Variants in ITPRID2 observed in about 807,000 individuals in gnomAD.
ITPRID2 encodes ITPR interacting domain containing 2.
A neutral mutation model predicts 124.3 loss-of-function variants in ITPRID2; 60 were observed. That is an observed-to-expected ratio of 0.48 (90% confidence interval 0.39 to 0.60). The LOEUF (loss-of-function observed/expected upper bound fraction) is 0.60. Among genes scored for constraint, ITPRID2 ranks in the 20% least tolerant of loss-of-function variants. ITPRID2 has a pLI of 0.00. For synonymous variants in ITPRID2, 521 were observed against 542.9 expected (o/e 0.96, Z 0.56); for missense variants, 1,553 against 1,512.2 (o/e 1.03, Z -0.45).
At position 181,907,674 on chromosome 2, in the gene ITPRID2, T is replaced by C. The variant is rs1346864709; in HGVS notation, c.1414-2225T>C. On this transcript the variant is annotated intron_variant, in intron 8 of 17. Transcript: ENST00000431877. This position sits in a 1 kb window ranked among gnomAD's most constrained non-coding sequence, Gnocchi z 5.1. ...AATCTTGTCACATAAATCTAAATTCTGTGTTCTATATTTGCTTCATAATTC... is the reference window on the plus strand; with the variant it reads ...AATCTTGTCACATAAATCTAAATTCCGTGTTCTATATTTGCTTCATAATTC... Among the ~76,000 whole-genome samples, 1 of 152,218 alleles carries C rather than the reference T, an allele frequency of 6.6e-6. No homozygotes were observed. The highest frequency in any genetic ancestry group is 1.5e-5 in the Non-Finnish European group (1 of 68,034).
intron 7 of ITPRID2, 136 bp downstream of exon 7, chr2:181,901,040 ACATGTTAAAATT>A: frequency 1.4e-6 from 1 of 691,358 alleles, no homozygotes; most frequent in Non-Finnish European, 2.3e-6. Flanking sequence ...AGCCATTTTT[ACATGTTAAAATT>A]AAGCTATTTT....
At chr2:181,920,519 A>G (rs914096372) in intron 14 of ITPRID2, 78 bp from the exon 15 acceptor site, 17 of 1,041,700 alleles carry the variant, frequency 1.6e-5, no homozygotes, top group Admixed American at 2.4e-5. Context: ...AAAAATATAT[A>G]TGTACATTAT....
intron 8 of ITPRID2, among the ~76,000 whole-genome samples, chr2:181,909,554 T>C (rs946317318): frequency 2.0e-5 from 3 of 152,214 alleles, no homozygotes; most frequent in Non-Finnish European, 4.4e-5. Flanking sequence ...AAAACCCATA[T>C]GTTGGGCTAG....
At chr2:181,904,355 C>T (rs183774553) in intron 8 of ITPRID2, among the ~76,000 whole-genome samples, 6 of 151,486 alleles carry the variant, frequency 4.0e-5, no homozygotes, top group South Asian at 2.1e-4. Flanking sequence ...AATTTATGGT[C>T]GACCACAGCT....
rs776179092 is a variant in ITPRID2, at chr2:181,900,910, A to AT, written c.712+11dup. The AT allele has an allele frequency of 1.2e-6, 2 of 1,600,270 alleles. No individual in the cohort carries two copies. The highest frequency in any genetic ancestry group is 1.7e-6 in the Non-Finnish European group (2 of 1,173,894). On this transcript the variant is annotated splice_region_variant and intron_variant, in intron 7 of 17. Transcript: ENST00000431877. ...CCCAAATTATGCTTTAACAAGTAAG[A>AT]TTTTTAAGTGTTAGGCATATTATTT... is the stretch of plus-strand genomic sequence containing the variant.
At chr2:181,909,083 A>G (rs971496189) in intron 8 of ITPRID2, among the ~76,000 whole-genome samples, 1 of 152,220 alleles carries the variant, frequency 6.6e-6, no homozygotes, top group African/African-American at 2.4e-5. Context: ...AAATTTCTAA[A>G]TTATGTACTT....
chr2:181,893,332 C>G (rs1474684057), intron 2 of ITPRID2: 1 of 152,182 alleles, frequency 6.6e-6, no homozygotes, highest in Non-Finnish European at 1.5e-5. Context: ...GCAAAATGTA[C>G]TTGTTTCTTA....
intron 14 of ITPRID2, 106 bp from the exon 15 acceptor site, chr2:181,920,491 A>C: frequency 1.3e-6 from 1 of 750,348 alleles, no homozygotes; most frequent in Non-Finnish European, 2.0e-6. Flanking sequence ...ATTTTATTAT[A>C]AAAGTCTTGT....
intron 2 of ITPRID2, among the ~76,000 whole-genome samples, chr2:181,895,040 G>A (rs1187332410): frequency 6.6e-6 from 1 of 152,054 alleles, no homozygotes; most frequent in African/African-American, 2.4e-5. Context: ...GTAATTGCTT[G>A]TGATTCTTTT....
intron 11 of ITPRID2, chr2:181,916,652 G>C (rs1694078623): frequency 5.5e-6 from 4 of 721,358 alleles, no homozygotes; most frequent in Non-Finnish European, 8.2e-6. Context: ...TCACAAGTCT[G>C]TCTCCTTTCC....
intron 2 of ITPRID2, among the ~76,000 whole-genome samples, chr2:181,895,632 T>G (rs1230062735): frequency 6.6e-6 from 1 of 152,054 alleles, no homozygotes; most frequent in Non-Finnish European, 1.5e-5. Flanking sequence ...TTAAGTTACC[T>G]ATGACTGAAG....
Position 181,902,378 on chromosome 2 carries a change from C to A in ITPRID2, c.1325C>A (p.Thr442Lys), listed in dbSNP as rs761942831. 1.9e-6 allele frequency: 3 copies of A among 1,613,772 alleles called. No individual in the cohort carries two copies. The change falls in exon 8 of 18, where the codon ACA (threonine) becomes AAA (lysine). Residue 442 changes from threonine (T) to lysine (K), a missense_variant. Coordinates refer to ENST00000431877, the MANE Select transcript of ITPRID2 (RefSeq NM_001130445.3). This position sits in a 1 kb window ranked among gnomAD's most constrained non-coding sequence, Gnocchi z 4.4. ...SSELKSVHIS[T>K]PEKEPCAPLT... ...GAGCTGAAAAGTGTCCATATATCCA[C>A]ACCTGAAAAAGAGCCTTGTGCACCA...
In ITPRID2 at chr2:181,918,663, A is replaced by G. The variant is rs2125104150; in HGVS notation, c.2853A>G (p.Leu951=). ...APYSTQKSSV[L]PLYENTFQEL... ...ATAGTACTCAGAAATCATCTGTTCT[A>G]CCTCTTTATGAAGTAAGTTCTTTCT... The change falls in exon 12 of 18, where the codon CTA becomes CTG. Residue 951 remains leucine, a synonymous_variant. Coordinates refer to ENST00000431877, the MANE Select transcript of ITPRID2 (RefSeq NM_001130445.3). 6.2e-7 allele frequency: 1 copy of G among 1,614,012 alleles called. No homozygotes were observed. The highest frequency in any genetic ancestry group is 1.3e-5 in the African/African-American group (1 of 75,036).
At position 181,926,440 on chromosome 2, in the gene ITPRID2, G is replaced by A. The variant is rs114133808; in HGVS notation, c.3676-1721G>A. On this transcript the variant is annotated intron_variant, in intron 16 of 17. Transcript: ENST00000431877. ...CAAGAATACATTTTGGCGACTGGGC[G>A]CGGTGGCTCACGCCTGTAATCCCAG... Among the ~76,000 whole-genome samples the A allele has an allele frequency of 9.0e-3, 1,374 of 152,088 alleles. 14 individuals carry two copies. The highest frequency in any genetic ancestry group is 0.014 in the Non-Finnish European group (954 of 67,992).
Position 181,892,106 on chromosome 2 carries a change from G to A in ITPRID2, c.40G>A (p.Glu14Lys), listed in dbSNP as rs1313313382. Residue 14 changes from glutamate (E) to lysine (K), a missense_variant, in exon 1 of 18, where the codon GAA (glutamate) becomes AAA (lysine). Coordinates refer to ENST00000431877, the MANE Select transcript of ITPRID2 (RefSeq NM_001130445.3). This position sits in a 1 kb window ranked among gnomAD's most constrained non-coding sequence, Gnocchi z 5.2. Reference protein sequence around the residue: ...PLSSSAEAEEELEWQVASRRR... With the variant: ...PLSSSAEAEEKLEWQVASRRR... Reference sequence around the variant, plus strand: ...GTCGTCGTCGGCGGAGGCGGAGGAGGAACTGGAGTGGCAAGTGGCGAGTCG... The same window carrying A: ...GTCGTCGTCGGCGGAGGCGGAGGAGAAACTGGAGTGGCAAGTGGCGAGTCG... 6.4e-7 allele frequency: 1 copy of A among 1,558,082 alleles called. No homozygotes were observed. Among genetic ancestry groups the A allele is most frequent in the Admixed American group, 1.9e-5 (1 of 52,024 alleles).
In ITPRID2 at chr2:181,909,945, A is replaced by G. The variant is rs1558996537; in HGVS notation, c.1460A>G (p.Gln487Arg). 1 of 1,613,264 alleles carries G rather than the reference A, an allele frequency of 6.2e-7. No homozygotes were observed. The highest frequency in any genetic ancestry group is 8.5e-7 in the Non-Finnish European group (1 of 1,179,374). Residue 487 changes from glutamine to arginine, a missense_variant, in exon 9 of 18, where the codon CAG (glutamine) becomes CGG (arginine). Coordinates refer to ENST00000431877, the MANE Select transcript of ITPRID2 (RefSeq NM_001130445.3). Reference sequence around the variant, plus strand: ...GCTCCTCATGTTCCAGCCACTTACCAGCTAGGTCTTACGAAGTCGAAAAGA... The same window carrying G: ...GCTCCTCATGTTCCAGCCACTTACCGGCTAGGTCTTACGAAGTCGAAAAGA... The part of the protein sequence containing the change: ...GEAPHVPATY[Q>R]LGLTKSKRDH...
chr2:181,896,859 G>A lies in ITPRID2; in HGVS notation c.308-49G>A, dbSNP rs1199181024. On this transcript the variant is annotated intron_variant, in intron 3 of 17. Coordinates refer to ENST00000431877, the MANE Select transcript of ITPRID2 (RefSeq NM_001130445.3). The surrounding 1 kb of genome is among the most constrained non-coding windows in gnomAD (Gnocchi z 4.3). ...AACTAAAACAGTGATTTTATATGAG[G>A]GTGGAGAGGAACAGAACACCAGGAT... 1 of 1,419,532 alleles carries A rather than the reference G, an allele frequency of 7.0e-7. No homozygotes were observed. Among genetic ancestry groups the A allele is most frequent in the Admixed American group, 1.7e-5 (1 of 59,084 alleles). The allele number at this position is 1,419,532 out of a possible 1,614,324, so 87.9% of individuals were successfully genotyped here.
intron 9 of ITPRID2, 106 bp from the exon 10 acceptor site, chr2:181,913,738 GC>G (rs1361757687): frequency 5.6e-6 from 4 of 709,242 alleles, no homozygotes; most frequent in Admixed American, 3.3e-5. Context: ...TCTTATATCT[GC>G]TGGGAATCAT....
At chr2:181,927,781 T>C (rs1172093939) in intron 16 of ITPRID2, among the ~76,000 whole-genome samples, 1 of 152,240 alleles carries the variant, frequency 6.6e-6, no homozygotes, top group Admixed American at 6.5e-5. Context: ...TGAGAGCACT[T>C]GTGTCTCTGC....
Sources: gnomAD v4.1 joint callset for allele counts (sites outside exome capture counted in the v4.1 genomes callset) on GRCh38, gnomAD v4.1.1 for gene constraint, Gnocchi (gnomAD v3.1) non-coding constraint, MANE v1.5 for transcripts, NCBI Gene and HGNC (gene_info 2026-07-23, HGNC 2026-07-21) for gene names.